The following NRXN1 variants were observed in gnomAD, a reference collection of about 807,000 sequenced individuals.
NRXN1 encodes neurexin-1.
In NRXN1, 39 loss-of-function variants were observed where a neutral mutation model predicts 150.9. That is an observed-to-expected ratio of 0.26 (90% CI 0.20 to 0.34). The LOEUF is 0.34. Ranked by LOEUF, NRXN1 falls within the 10% of genes least tolerant of loss-of-function variation. The pLI is 1.00. For missense variants in NRXN1, 1,815 were observed against 1,949.9 expected (o/e 0.93, Z 1.30); for synonymous variants, 924 against 757.0 (o/e 1.22, Z -3.62).
At chr2:50,713,312 T>C (rs1302110315) in intron 5 of NRXN1, among the ~76,000 whole-genome samples, 1 of 91,986 alleles carries the variant, frequency 1.1e-5, no homozygotes, top group African/African-American at 6.3e-5. Flanking sequence ...AGACTCTGTC[T>C]CAAAAAAAAA....
chr2:50,808,625 C>T (rs1180700957), intron 5 of NRXN1, among the ~76,000 whole-genome samples: 2 of 152,060 alleles, frequency 1.3e-5, no homozygotes, highest in African/African-American at 2.4e-5. Flanking sequence ...TGAGGGCCCA[C>T]ACAATCTAAG....
intron 5 of NRXN1, among the ~76,000 whole-genome samples, chr2:50,651,472 A>AACATGACATGACATG (rs59984890): frequency 8.7e-5 from 13 of 149,616 alleles, no homozygotes; most frequent in African/African-American, 2.0e-4. Flanking sequence ...AACATAACGT[A>AACATGACATGACATG]ACATGACATG....
intron 5 of NRXN1, among the ~76,000 whole-genome samples, chr2:50,663,028 A>T (rs1172625339): frequency 5.3e-5 from 8 of 152,028 alleles, no homozygotes. Context: ...TGCATGGAGC[A>T]CTATTTGAGA....
chr2:50,073,395 C>A (rs901317333), intron 19 of NRXN1, among the ~76,000 whole-genome samples: 1 of 152,122 alleles, frequency 6.6e-6, no homozygotes, highest in African/African-American at 2.4e-5. Context: ...ACTGGGATTA[C>A]CTCTCCTCAG....
At chr2:50,058,040 TTTAAAAAG>T (rs1380169970) in intron 19 of NRXN1, among the ~76,000 whole-genome samples, 1 of 152,148 alleles carries the variant, frequency 6.6e-6, no homozygotes, top group Non-Finnish European at 1.5e-5. Flanking sequence ...TTTAATGACT[TTTAAAAAG>T]ATCACATAAA....
chr2:50,722,503 T>C (rs865987495), intron 5 of NRXN1, among the ~76,000 whole-genome samples: 2 of 152,142 alleles, frequency 1.3e-5, no homozygotes, highest in African/African-American at 4.8e-5. Flanking sequence ...ATACGTTTCA[T>C]ATACATTGTT....
chr2:50,830,099 T>C lies in NRXN1; in HGVS notation c.832+91770A>G, dbSNP rs568728115. 5.5e-4 allele frequency among the ~76,000 whole-genome samples: 83 copies of C among 150,282 alleles called. No homozygotes were observed. The Middle Eastern group carries it at 0.017, about 31-fold the overall frequency. On this transcript the variant is annotated intron_variant, in intron 5 of 22. Coordinates refer to ENST00000401669, the MANE Select transcript of NRXN1 (RefSeq NM_001330078.2). ...ACCATCCGTTTATAGAGTCTGCTAATTGGCACTAGGGCATTGTCTGGGCTT... is the reference window on the plus strand; with the variant it reads ...ACCATCCGTTTATAGAGTCTGCTAACTGGCACTAGGGCATTGTCTGGGCTT...
chr2:50,179,117 T>C (rs150535489), intron 18 of NRXN1, among the ~76,000 whole-genome samples: 84 of 152,252 alleles, frequency 5.5e-4, no homozygotes, highest in Admixed American at 7.9e-4. Context: ...TGGAGAAAAG[T>C]AGCTTTAGAA....
intron 18 of NRXN1, among the ~76,000 whole-genome samples, chr2:50,181,527 G>A (rs2060713724): frequency 2.6e-5 from 4 of 151,878 alleles, no homozygotes; most frequent in Admixed American, 2.6e-4. Context: ...ACCTTCTCTG[G>A]GCCTCCTTTG....
chr2:50,896,533 G>A (rs1158857811), intron 5 of NRXN1, among the ~76,000 whole-genome samples: 1 of 152,130 alleles, frequency 6.6e-6, no homozygotes. Context: ...AGTGGCAGAA[G>A]GTTGAAGTAT....
rs144829656 is a variant in NRXN1 at position 50,091,107 on chromosome 2, G to A, written c.3718+216C>T. Reference sequence around the variant, plus strand: ...CATTGATGTCCTGAATTTTGAAAACGATAATGTACACCTTCACGTTCTCCT... The same window carrying A: ...CATTGATGTCCTGAATTTTGAAAACAATAATGTACACCTTCACGTTCTCCT... On this transcript the variant is annotated intron_variant, in intron 19 of 22. Transcript: ENST00000401669. Among the ~76,000 whole-genome samples, 27 of 152,206 alleles carry A rather than the reference G, an allele frequency of 1.8e-4. No individual in the cohort carries two copies. The East Asian group carries it at 4.6e-3, about 26-fold the overall frequency.
intron 2 of NRXN1, among the ~76,000 whole-genome samples, chr2:50,996,497 T>A (rs933031014): frequency 6.6e-6 from 1 of 152,098 alleles, no homozygotes; most frequent in African/African-American, 2.4e-5. Flanking sequence ...TTCTCACATA[T>A]TTAATTAGTG....
rs562493023 is a variant in NRXN1 at position 50,372,034 on chromosome 2, C to T, written c.3364+93408G>A. ...TGGTCTAAGTACTACCCTTTGCAGC[C>T]ATGAGAAACAAAATCACTGTTGCTT... On this transcript the variant is annotated intron_variant, in intron 17 of 22. Transcript: ENST00000401669. Among the ~76,000 whole-genome samples, 9 of 152,120 alleles carry T rather than the reference C, an allele frequency of 5.9e-5. No homozygotes were observed. In the East Asian group the frequency reaches 1.7e-3, roughly 29 times the overall value.
chr2:50,585,242 C>A (rs939882821), intron 8 of NRXN1, among the ~76,000 whole-genome samples: 1 of 152,086 alleles, frequency 6.6e-6, no homozygotes, highest in African/African-American at 2.4e-5. Context: ...GACAAAAAAA[C>A]CACTACCCTT....
At chr2:50,831,980 G>T (rs1324488385) in intron 5 of NRXN1, among the ~76,000 whole-genome samples, 6 of 152,156 alleles carry the variant, frequency 3.9e-5, no homozygotes, top group African/African-American at 1.2e-4. Context: ...AATTTGGAAG[G>T]CTTTAAATAA....
chr2:50,682,602 A>G (rs932008180), intron 5 of NRXN1, among the ~76,000 whole-genome samples: 6 of 152,178 alleles, frequency 3.9e-5, no homozygotes, highest in Non-Finnish European at 7.3e-5. Context: ...TCAGAAGCAG[A>G]AAGGGTAAAA....
At chr2:50,647,785 C>T (rs1685030456) in intron 5 of NRXN1, among the ~76,000 whole-genome samples, 1 of 151,792 alleles carries the variant, frequency 6.6e-6, no homozygotes, top group Admixed American at 6.6e-5. Flanking sequence ...ATTTATGACA[C>T]AACATTAGGA....
chr2:50,279,646 G>T (rs1474893247), intron 17 of NRXN1, among the ~76,000 whole-genome samples: 3 of 152,064 alleles, frequency 2.0e-5, no homozygotes, highest in African/African-American at 7.2e-5. Context: ...AACTGAAAAT[G>T]TGCTCTGTGA....
intron 18 of NRXN1, among the ~76,000 whole-genome samples, chr2:50,131,623 C>T (rs1705508187): frequency 6.6e-6 from 1 of 152,112 alleles, no homozygotes; most frequent in South Asian, 2.1e-4. Context: ...ACTTAAAGTG[C>T]AGAGCAGTTT....
Sources: allele counts gnomAD v4.1 joint callset (sites outside exome capture counted in the v4.1 genomes callset), GRCh38; gene constraint gnomAD v4.1.1; transcripts MANE v1.5; gene names NCBI Gene and HGNC (gene_info 2026-07-23, HGNC 2026-07-21).